Variants in UBTD2 observed in about 807,000 individuals in gnomAD.
UBTD2 encodes the protein ubiquitin domain containing 2.
UBTD2 carries 9 observed loss-of-function variants against 19.8 expected under a neutral mutation model. The ratio of observed to expected loss-of-function variants is 0.46; its 90% confidence interval spans 0.27 to 0.79. The LOEUF (loss-of-function observed/expected upper bound fraction) is 0.79. Ranked by LOEUF, UBTD2 falls within the 30% of genes least tolerant of loss-of-function variation. The pLI is 0.14. For synonymous variants in UBTD2, 98 were observed against 103.9 expected (o/e 0.94, Z 0.35); for missense variants, 250 against 300.4 (o/e 0.83, Z 1.24).
At chr5:172,229,239 G>A (rs1216519600) in intron 2 of UBTD2, among the ~76,000 whole-genome samples, 5 of 151,870 alleles carry the variant, frequency 3.3e-5, no homozygotes, top group Non-Finnish European at 7.4e-5. Context: ...GGTGGCTCAC[G>A]CCTGTAATCC....
At chr5:172,255,442 A>G in intron 1 of UBTD2, 2 of 489,088 alleles carry the variant, frequency 4.1e-6, no homozygotes, top group Non-Finnish European at 8.3e-6. Context: ...GCATTCTTTT[A>G]AACCTTCTAG....
intron 2 of UBTD2, among the ~76,000 whole-genome samples, chr5:172,226,924 A>G (rs551808971): frequency 1.3e-5 from 2 of 152,304 alleles, no homozygotes; most frequent in South Asian, 4.1e-4. Flanking sequence ...CTTAACCTGT[A>G]TACGTATTGT....
At chr5:172,273,545 T>C (rs542871579) in intron 1 of UBTD2, among the ~76,000 whole-genome samples, 15 of 139,994 alleles carry the variant, frequency 1.1e-4, no homozygotes, top group Non-Finnish European at 1.5e-4. Flanking sequence ...GAGCCGAGAT[T>C]GTACCACTGC....
intron 1 of UBTD2, among the ~76,000 whole-genome samples, chr5:172,251,319 A>AAAAAAAAAG (rs1755009818): frequency 2.6e-5 from 4 of 151,572 alleles, no homozygotes; most frequent in African/African-American, 7.3e-5. Flanking sequence ...TATCTCAAAA[A>AAAAAAAAAG]AAAAAAAGAA....
intron 1 of UBTD2, among the ~76,000 whole-genome samples, chr5:172,272,684 G>A (rs780535143): frequency 6.6e-6 from 1 of 152,178 alleles, no homozygotes; most frequent in Non-Finnish European, 1.5e-5. Flanking sequence ...ATTCTCATTA[G>A]AGGACTCACC....
At chr5:172,249,401 G>GAAAAAAAA (rs756803780) in intron 1 of UBTD2, among the ~76,000 whole-genome samples, 1 of 63,294 alleles carries the variant, frequency 1.6e-5, no homozygotes, top group African/African-American at 5.9e-5. Context: ...TCCGTCTCAT[G>GAAAAAAAA]AAAAAAAAAA....
intron 1 of UBTD2, among the ~76,000 whole-genome samples, chr5:172,252,928 G>A (rs1755059266): frequency 2.0e-5 from 3 of 152,152 alleles, no homozygotes; most frequent in African/African-American, 7.2e-5. Context: ...CAGTTATAAA[G>A]AAAAAGATAT....
chr5:172,256,334 T>C (rs1214165379), intron 1 of UBTD2, among the ~76,000 whole-genome samples: 1 of 151,952 alleles, frequency 6.6e-6, no homozygotes, highest in Non-Finnish European at 1.5e-5. Flanking sequence ...AAGGTATACA[T>C]AAAAATGTTT....
intron 1 of UBTD2, among the ~76,000 whole-genome samples, chr5:172,274,008 G>T (rs994381283): frequency 1.7e-4 from 26 of 151,852 alleles, no homozygotes; most frequent in South Asian, 4.2e-4. Context: ...TGAAATTTTA[G>T]GCACCTCTCT....
intron 2 of UBTD2, among the ~76,000 whole-genome samples, chr5:172,233,753 G>C (rs1771953021): frequency 7.2e-6 from 1 of 138,278 alleles, no homozygotes; most frequent in Admixed American, 7.8e-5. Context: ...GCTGCTAGGA[G>C]GAAACCAGTG....
chr5:172,231,029 C>T (rs533823816), intron 2 of UBTD2, among the ~76,000 whole-genome samples: 27 of 152,200 alleles, frequency 1.8e-4, no homozygotes, highest in African/African-American at 5.5e-4. Context: ...ATGATCTGCC[C>T]GCCTCGGCCT....
intron 1 of UBTD2, among the ~76,000 whole-genome samples, chr5:172,235,816 G>A (rs559153464): frequency 6.6e-6 from 1 of 152,278 alleles, no homozygotes; most frequent in Non-Finnish European, 1.5e-5. Flanking sequence ...TGGGATAGAA[G>A]ATAGAAAGAA....
intron 1 of UBTD2, among the ~76,000 whole-genome samples, chr5:172,237,981 C>T (rs1002454289): frequency 2.6e-5 from 4 of 152,184 alleles, no homozygotes; most frequent in African/African-American, 7.2e-5. Flanking sequence ...TATCAGAGTA[C>T]ACTTGCTAGG....
At chr5:172,267,159 T>C (rs947708616) in intron 1 of UBTD2, among the ~76,000 whole-genome samples, 5 of 151,860 alleles carry the variant, frequency 3.3e-5, no homozygotes, top group African/African-American at 7.3e-5. Flanking sequence ...TAAACACAAC[T>C]GAGATTACTC....
At position 172,214,449 on chromosome 5, in the gene UBTD2, T is replaced by C. The variant is rs769250957; in HGVS notation, c.308-2222A>G. On this transcript the variant is annotated intron_variant, in intron 2 of 2. Coordinates refer to ENST00000393792, the MANE Select transcript of UBTD2 (RefSeq NM_152277.3). ...AGCCTCTGTGTATTCACTAATACTATTGTAGAAATGGATCTACTTCAAGCA... is the reference window on the plus strand; with the variant it reads ...AGCCTCTGTGTATTCACTAATACTACTGTAGAAATGGATCTACTTCAAGCA... Among the ~76,000 whole-genome samples the C allele has an allele frequency of 6.6e-5, 10 of 152,338 alleles. 1 individual carries two copies. In the East Asian group the frequency reaches 1.9e-3, roughly 29 times the overall value.
At chr5:172,218,787 A>AT (rs1771594925) in intron 2 of UBTD2, among the ~76,000 whole-genome samples, 4 of 65,438 alleles carry the variant, frequency 6.1e-5, no homozygotes, top group Admixed American at 6.0e-4. Flanking sequence ...AAAAAAAAAA[A>AT]AATAAAAAAA....
intron 1 of UBTD2, among the ~76,000 whole-genome samples, chr5:172,237,179 C>T (rs755170472): frequency 6.6e-5 from 10 of 152,142 alleles, no homozygotes; most frequent in Non-Finnish European, 1.3e-4. Context: ...CTGCAACCTC[C>T]GCCTCCTGGG....
intron 1 of UBTD2, among the ~76,000 whole-genome samples, chr5:172,249,594 A>G (rs1166302024): frequency 1.3e-5 from 2 of 152,030 alleles, no homozygotes; most frequent in Admixed American, 6.6e-5. Flanking sequence ...AGTGGTGCAC[A>G]CCCTCATAGC....
chr5:172,225,161 G>A (rs1032904570), intron 2 of UBTD2, among the ~76,000 whole-genome samples: 2 of 151,886 alleles, frequency 1.3e-5, no homozygotes, highest in Admixed American at 6.6e-5. Flanking sequence ...GGCTAAATAA[G>A]TGCCAGGGCA....
Sources: gnomAD v4.1 joint callset for allele counts (sites outside exome capture counted in the v4.1 genomes callset) on GRCh38, gnomAD v4.1.1 for gene constraint, MANE v1.5 for transcripts, NCBI Gene and HGNC (gene_info 2026-07-23, HGNC 2026-07-21) for gene names.